ZNF724: variants seen among roughly 807,000 people sequenced by gnomAD.
The protein encoded by ZNF724 is zinc finger protein 724 pseudogene.
ZNF724 carries 14 observed loss-of-function variants against 29.3 expected under a neutral mutation model. The observed-to-expected ratio is 0.48, with a 90% CI of 0.32 to 0.75. The LOEUF (loss-of-function observed/expected upper bound fraction) is 0.75. Ranked by LOEUF, ZNF724 falls within the 30% of genes least tolerant of loss-of-function variation. The probability of loss-of-function intolerance (pLI) is 0.04; values close to 1 mark genes in which losing one functional copy is unlikely to be tolerated. For missense variants in ZNF724, 557 were observed against 571.2 expected (o/e 0.98, Z 0.25); for synonymous variants, 180 against 193.6 (o/e 0.93, Z 0.58).
At chr19:23,230,166 C>T (rs970369207) in intron 3 of ZNF724, among the ~76,000 whole-genome samples, 1 of 151,844 alleles carries the variant, frequency 6.6e-6, no homozygotes, top group Admixed American at 6.6e-5. Flanking sequence ...TTTCTTAGAA[C>T]AAATTTAACC....
Position 23,223,079 on chromosome 19 carries a change from G to T in ZNF724, c.1166C>A (p.Thr389Asn). 2 of 1,274,956 alleles carry T rather than the reference G, an allele frequency of 1.6e-6. No homozygotes were observed. Among genetic ancestry groups the T allele is most frequent in the Non-Finnish European group, 2.3e-6 (2 of 872,148 alleles). 79.0% of individuals were successfully genotyped at this position (1,274,956 alleles called of 1,614,324 possible). A position where few individuals can be genotyped will look rare whatever the true frequency, so the allele number is the denominator to read the frequency against. ...TTCACATTTGTATGGTTTTTCTCCA[G>T]TATGAATTCTCTTATGTTGAGTAAG... ...STLTQHKRIH[T>N]GEKPYKCEEC... Residue 389 changes from threonine (T) to asparagine (N), a missense_variant, in exon 4 of 4, where the codon ACT becomes AAT. By Grantham distance (65) the Thr-to-Asn change is moderately conservative. Coordinates refer to ENST00000418100, the MANE Select transcript of ZNF724 (RefSeq NM_001355404.2).
At chr19:23,227,037 A>G (rs568216957) in intron 3 of ZNF724, among the ~76,000 whole-genome samples, 1 of 150,398 alleles carries the variant, frequency 6.6e-6, no homozygotes, top group South Asian at 2.1e-4. Context: ...ATTTGTCTAG[A>G]TAACTACAAT....
At chr19:23,232,706 C>A (rs1465768325) in intron 1 of ZNF724, among the ~76,000 whole-genome samples, 2 of 148,886 alleles carry the variant, frequency 1.3e-5, no homozygotes, top group South Asian at 2.1e-4. Context: ...TGCAGAAGAT[C>A]TGGAATAAAG....
chr19:23,237,186 T>C (rs181134023), intron 1 of ZNF724, among the ~76,000 whole-genome samples: 6 of 152,202 alleles, frequency 3.9e-5, no homozygotes, highest in Admixed American at 1.3e-4. Context: ...AATCAGAATC[T>C]GACTTTGTTT....
chr19:23,247,643 C>T (rs76974649), intron 1 of ZNF724, among the ~76,000 whole-genome samples: 2,443 of 152,288 alleles, frequency 0.016, 59 homozygotes, highest in African/African-American at 0.055. Flanking sequence ...CTTGTACTAG[C>T]TCACTGAGAT....
chr19:23,223,594 C>T lies in ZNF724; in HGVS notation c.651G>A (p.Lys217=). The stretch of plus-strand genomic sequence containing the variant: ...AGTGTTTTTGTCCTGTATGAATTCT[C>T]TTATGTTGAGAAAGGGTTGAGGACA... ...FNVSSTLSQH[K]RIHTGQKHYK... The change falls in exon 4 of 4, where the codon AAG becomes AAA. Residue 217 remains lysine, a synonymous_variant. Transcript: ENST00000418100. 2 of 717,728 alleles carry T rather than the reference C, an allele frequency of 2.8e-6. No individual in the cohort carries two copies. Among genetic ancestry groups the T allele is most frequent in the Non-Finnish European group, 2.6e-6 (1 of 387,350 alleles). The allele number at this position is 717,728 out of a possible 1,614,324, so 44.5% of individuals were successfully genotyped here.
At chr19:23,232,371 C>T in intron 1 of ZNF724, 78 bp from the exon 2 acceptor site, 1 of 754,888 alleles carries the variant, frequency 1.3e-6, no homozygotes, top group South Asian at 1.5e-5. Flanking sequence ...AAATGAAAGA[C>T]TAAGGAGTAC....
chr19:23,229,203 C>G lies in ZNF724; in HGVS notation c.226+2063G>C, dbSNP rs75602443. Among the ~76,000 whole-genome samples the G allele has an allele frequency of 3.9e-3, 595 of 152,250 alleles. 13 individuals carry two copies. Among genetic ancestry groups the G allele is most frequent in the Non-Finnish European group, 2.0e-3 (138 of 68,008 alleles). The stretch of plus-strand genomic sequence containing the variant: ...ATTCAGGTGGTAAACTACAGGACCT[C>G]TGTTCTTGGCTACAGACTGAAAAAT... On this transcript the variant is annotated intron_variant, in intron 3 of 3. Transcript: ENST00000418100.
chr19:23,239,503 A>T (rs568756357), intron 1 of ZNF724, among the ~76,000 whole-genome samples: 1 of 152,220 alleles, frequency 6.6e-6, no homozygotes, highest in Non-Finnish European at 1.5e-5. Flanking sequence ...GCAGAAATCA[A>T]TAAGTTCTTT....
intron 1 of ZNF724, among the ~76,000 whole-genome samples, chr19:23,235,580 CAG>C (rs1355592409): frequency 6.6e-6 from 1 of 152,168 alleles, no homozygotes; most frequent in Non-Finnish European, 1.5e-5. Context: ...AAAAATTTAA[CAG>C]ACTCACTAGT....
intron 1 of ZNF724, among the ~76,000 whole-genome samples, chr19:23,240,344 T>C (rs1778506011): frequency 6.7e-6 from 1 of 148,172 alleles, no homozygotes; most frequent in South Asian, 2.2e-4. Context: ...AGAATGGCAC[T>C]AAGGCCCAGA....
chr19:23,227,157 C>T (rs373967405), intron 3 of ZNF724, among the ~76,000 whole-genome samples: 8 of 151,440 alleles, frequency 5.3e-5, no homozygotes, highest in African/African-American at 1.9e-4. Context: ...AAATAGAAGA[C>T]TCTAATGAGA....
chr19:23,231,307 G>A lies in ZNF724; in HGVS notation c.185C>T (p.Pro62Leu), dbSNP rs372063677. The change falls in exon 3 of 4, where the codon CCC (proline) becomes CTC (leucine). Residue 62 changes from proline to leucine, a missense_variant. This residue lies in a region of ZNF724 where 362 missense variants were observed against 295.5 expected (regional missense o/e 1.22). Transcript: ENST00000418100. Reference sequence around the variant, plus strand: ...CATCTCATGTCTCTCCATATTCCAGGGCTCTTTGCCTTGCTCCAGACAGGT... The same window carrying A: ...CATCTCATGTCTCTCCATATTCCAGAGCTCTTTGCCTTGCTCCAGACAGGT... ...LITCLEQGKE[P>L]WNMERHEMVA... The A allele has an allele frequency of 1.0e-5, 14 of 1,391,632 alleles. No homozygotes were observed. The highest frequency in any genetic ancestry group is 6.9e-5 in the East Asian group (3 of 43,532). The allele number at this position is 1,391,632 out of a possible 1,614,324, so 86.2% of individuals were successfully genotyped here. A position where few individuals can be genotyped will look rare whatever the true frequency, so the allele number is the denominator to read the frequency against.
At chr19:23,237,612 C>T (rs774619532) in intron 1 of ZNF724, among the ~76,000 whole-genome samples, 72 of 150,098 alleles carry the variant, frequency 4.8e-4, no homozygotes, top group Admixed American at 3.8e-3. Flanking sequence ...TAGAAAATAC[C>T]GTATAATTTA....
chr19:23,232,149 T>C lies in ZNF724; in HGVS notation c.130+18A>G. On this transcript the variant is annotated intron_variant, in intron 2 of 3. Transcript: ENST00000418100. Reference sequence around the variant, plus strand: ...TATTTAGGGTAGATTAGGAATTGTGTATTGAAGTTATTCTCACCCAGGAAG... The same window carrying C: ...TATTTAGGGTAGATTAGGAATTGTGCATTGAAGTTATTCTCACCCAGGAAG... The C allele has an allele frequency of 7.7e-7, 1 of 1,290,408 alleles. No homozygotes were observed. Among genetic ancestry groups the C allele is most frequent in the South Asian group, 1.2e-5 (1 of 83,596 alleles). The allele number at this position is 1,290,408 out of a possible 1,614,324, so 79.9% of individuals were successfully genotyped here.
intron 1 of ZNF724, among the ~76,000 whole-genome samples, chr19:23,248,305 A>T (rs1362875721): frequency 6.6e-6 from 1 of 152,202 alleles, no homozygotes; most frequent in Non-Finnish European, 1.5e-5. Flanking sequence ...TTAGGGAAAG[A>T]AAGTTGACAG....
Position 23,223,902 on chromosome 19 carries a change from T to G in ZNF724, c.343A>C (p.Lys115Gln), listed in dbSNP as rs1223100738. Residue 115 changes from lysine to glutamine, a missense_variant, in exon 4 of 4, where the codon AAA becomes CAA. Lys to Gln is a moderately conservative substitution (Grantham distance 53). Around this residue, in one of 3 missense-constraint regions of ZNF724, gnomAD observed 362 missense variants for 295.5 expected, o/e 1.22. Coordinates refer to ENST00000418100, the MANE Select transcript of ZNF724 (RefSeq NM_001355404.2). Reference protein sequence around the residue: ...KCGHHNLQLKKGYKSVDEYKV... With the variant: ...KCGHHNLQLKQGYKSVDEYKV... The stretch of plus-strand genomic sequence containing the variant: ...TACTCATCCACACTTTTATAGCCTT[T>G]TTTTAACTGTAAATTGTGATGTCCA... The G allele has an allele frequency of 1.3e-6, 1 of 774,078 alleles. No homozygotes were observed. The highest frequency in any genetic ancestry group is 2.4e-5 in the East Asian group (1 of 41,034). 48.0% of individuals were successfully genotyped at this position (774,078 alleles called of 1,614,324 possible). A position where few individuals can be genotyped will look rare whatever the true frequency, so the allele number is the denominator to read the frequency against.
chr19:23,245,411 A>C (rs1481590947), intron 1 of ZNF724, among the ~76,000 whole-genome samples: 1 of 152,164 alleles, frequency 6.6e-6, no homozygotes, highest in Non-Finnish European at 1.5e-5. Flanking sequence ...CAGGAGATCG[A>C]GACCATCCTG....
At chr19:23,240,006 G>C (rs986422689) in intron 1 of ZNF724, among the ~76,000 whole-genome samples, 1 of 152,004 alleles carries the variant, frequency 6.6e-6, no homozygotes, top group Non-Finnish European at 1.5e-5. Context: ...ATCCAAATAA[G>C]CACAATTAAA....
Sources: allele counts gnomAD v4.1 joint callset (sites outside exome capture counted in the v4.1 genomes callset), GRCh38; gene constraint gnomAD v4.1.1; regional missense constraint gnomAD v4.1.1; transcripts MANE v1.5; gene names NCBI Gene and HGNC (gene_info 2026-07-23, HGNC 2026-07-21).